The following PDHX variants were observed in gnomAD, a reference collection of about 807,000 sequenced individuals.
The protein encoded by PDHX is pyruvate dehydrogenase protein X component, mitochondrial.
In PDHX, 33 loss-of-function variants were observed where a neutral mutation model predicts 55.3. The ratio of observed to expected loss-of-function variants is 0.60; its 90% CI spans 0.45 to 0.80. The LOEUF is 0.80. PDHX is among the 30% of genes least tolerant of loss of function. The probability of loss-of-function intolerance (pLI) is 0.00; values close to 1 mark genes in which losing one functional copy is unlikely to be tolerated. For missense variants in PDHX, 622 were observed against 619.9 expected (o/e 1.00, Z -0.04); for synonymous variants, 226 against 219.4 (o/e 1.03, Z -0.27).
At chr11:34,939,179 C>T (rs1854411434) in intron 2 of PDHX, among the ~76,000 whole-genome samples, 1 of 152,112 alleles carries the variant, frequency 6.6e-6, no homozygotes, top group East Asian at 1.9e-4. Context: ...ATTCTGACAG[C>T]ATACTTTTCA....
At chr11:34,937,162 G>A (rs976103917) in intron 2 of PDHX, among the ~76,000 whole-genome samples, 13 of 152,128 alleles carry the variant, frequency 8.5e-5, no homozygotes, top group African/African-American at 3.1e-4. Context: ...GAGTAACCTG[G>A]TATGAGGAGA....
At chr11:34,958,413 G>A (rs1195812592) in intron 4 of PDHX, among the ~76,000 whole-genome samples, 1 of 152,026 alleles carries the variant, frequency 6.6e-6, no homozygotes, top group Non-Finnish European at 1.5e-5. Context: ...CGATTCTCCT[G>A]CCTCAGCCTC....
chr11:34,944,999 ACTT>A (rs1021262228), intron 2 of PDHX, among the ~76,000 whole-genome samples: 3 of 151,900 alleles, frequency 2.0e-5, no homozygotes, highest in Admixed American at 6.6e-5. Context: ...TAGATAATCA[ACTT>A]CTTATTTTTC....
chr11:34,934,789 C>T (rs556062892), intron 2 of PDHX, among the ~76,000 whole-genome samples: 9 of 151,762 alleles, frequency 5.9e-5, no homozygotes, highest in Non-Finnish European at 8.8e-5. Context: ...GTGTTGCCCA[C>T]GCTGGTTTTG....
intron 2 of PDHX, among the ~76,000 whole-genome samples, chr11:34,937,051 C>T (rs190798780): frequency 9.2e-5 from 14 of 151,962 alleles, no homozygotes; most frequent in African/African-American, 1.7e-4. Context: ...CCCAAAGTGC[C>T]GGGATTATAG....
At chr11:34,949,976 T>C (rs1854718408) in intron 3 of PDHX, among the ~76,000 whole-genome samples, 1 of 152,218 alleles carries the variant, frequency 6.6e-6, no homozygotes, top group African/African-American at 2.4e-5. Context: ...GTTTTTTAAT[T>C]GATCATCTGA....
At chr11:34,994,820 C>T in intron 10 of PDHX, 94 bp from the exon 11 acceptor site, 15 of 1,388,544 alleles carry the variant, frequency 1.1e-5, no homozygotes, top group Non-Finnish European at 1.5e-5. Flanking sequence ...TGCCTTACTA[C>T]ACTGCCTAGT....
rs747128117 is a variant in PDHX, at chr11:34,931,423, A to G, written c.180A>G (p.Leu60=). The G allele has an allele frequency of 1.9e-6, 3 of 1,604,140 alleles. No homozygotes were observed. The highest frequency in any genetic ancestry group is 1.7e-6 in the Non-Finnish European group (2 of 1,171,692). ...TTTCAGGTGATCCCATTAAGATACTAATGCCATCACTGTCTCCTACAATGG... is the reference window on the plus strand; with the variant it reads ...TTTCAGGTGATCCCATTAAGATACTGATGCCATCACTGTCTCCTACAATGG... ...QWLRGDPIKI[L]MPSLSPTMEE... is the part of the protein sequence containing the mutation. Residue 60 remains leucine (L), a synonymous_variant, in exon 2 of 11, where the codon CTA becomes CTG. Coordinates refer to ENST00000227868, the MANE Select transcript of PDHX (RefSeq NM_003477.3).
chr11:34,919,297 GT>G (rs1354607227), intron 1 of PDHX, among the ~76,000 whole-genome samples: 1 of 152,012 alleles, frequency 6.6e-6, no homozygotes, highest in Non-Finnish European at 1.5e-5. Context: ...TTACGGTGGT[GT>G]TTTTTCTCTG....
chr11:34,952,715 C>G (rs1398237686), intron 3 of PDHX, among the ~76,000 whole-genome samples: 2 of 150,708 alleles, frequency 1.3e-5, no homozygotes, highest in Non-Finnish European at 1.5e-5. Flanking sequence ...CTATCTATGA[C>G]AAACCCACAG....
intron 6 of PDHX, among the ~76,000 whole-genome samples, chr11:34,969,884 A>G (rs747018016): frequency 2.0e-5 from 3 of 152,152 alleles, no homozygotes; most frequent in Non-Finnish European, 2.9e-5. Context: ...GTAACATAAG[A>G]TATCCCATTC....
At chr11:34,948,547 TTTTC>T (rs1347272925) in intron 3 of PDHX, among the ~76,000 whole-genome samples, 2 of 150,718 alleles carry the variant, frequency 1.3e-5, no homozygotes, top group Non-Finnish European at 2.9e-5. Context: ...TTTTATTTGT[TTTTC>T]TTTCTAGAAA....
chr11:34,944,254 G>A (rs536099278), intron 2 of PDHX, among the ~76,000 whole-genome samples: 97 of 151,970 alleles, frequency 6.4e-4, no homozygotes, highest in African/African-American at 2.1e-3. Context: ...CGAGTAGCTG[G>A]GACCACAGGT....
chr11:34,957,130 G>A (rs547564097), intron 3 of PDHX, among the ~76,000 whole-genome samples: 1 of 152,300 alleles, frequency 6.6e-6, no homozygotes, highest in South Asian at 2.1e-4. Flanking sequence ...CTCTCAGAAA[G>A]AGGATACATT....
At chr11:34,944,088 TGTGTG>T (rs1378642930) in intron 2 of PDHX, among the ~76,000 whole-genome samples, 3 of 148,586 alleles carry the variant, frequency 2.0e-5, no homozygotes, top group Non-Finnish European at 4.5e-5. Flanking sequence ...TATGTGTGTG[TGTGTG>T]TATATATATA....
intron 2 of PDHX, among the ~76,000 whole-genome samples, chr11:34,936,449 G>A (rs1253372044): frequency 6.6e-6 from 1 of 152,164 alleles, no homozygotes; most frequent in Non-Finnish European, 1.5e-5. Context: ...GCCAAAAGCA[G>A]GGTACATGAC....
At chr11:34,944,607 A>G (rs1249776278) in intron 2 of PDHX, among the ~76,000 whole-genome samples, 1 of 152,176 alleles carries the variant, frequency 6.6e-6, no homozygotes, top group Non-Finnish European at 1.5e-5. Flanking sequence ...TTGGTACACA[A>G]TGAAGTACTT....
chr11:34,926,984 A>T (rs547757111), intron 1 of PDHX, among the ~76,000 whole-genome samples: 7 of 151,412 alleles, frequency 4.6e-5, no homozygotes, highest in African/African-American at 1.7e-4. Context: ...TAAGCAAAAA[A>T]TTTTAATGTA....
upstream of PDHX, chr11:34,916,482 G>C (rs1200951421): frequency 1.4e-6 from 2 of 1,458,456 alleles, no homozygotes; most frequent in Admixed American, 5.0e-5. Flanking sequence ...CTGACTTCCC[G>C]GGAGGCAAGG....
Sources: gnomAD v4.1 joint callset for allele counts (sites outside exome capture counted in the v4.1 genomes callset) on GRCh38, gnomAD v4.1.1 for gene constraint, MANE v1.5 for transcripts, NCBI Gene and HGNC (gene_info 2026-07-23, HGNC 2026-07-21) for gene names.